Variants in RAI14 observed in about 807,000 individuals in gnomAD.
RAI14 encodes the protein ankycorbin.
Under a neutral mutation model 115.4 loss-of-function variants are expected in RAI14, and 45 were observed. The observed-to-expected ratio is 0.39, with a 90% confidence interval of 0.31 to 0.50. The LOEUF (loss-of-function observed/expected upper bound fraction) is 0.50, where lower values mean the gene tolerates loss of function less well. Among genes scored for constraint, RAI14 ranks in the 20% least tolerant of loss-of-function variants. RAI14 has a pLI of 0.85. For missense variants in RAI14, 939 were observed against 1,131.2 expected (o/e 0.83, Z 2.44); for synonymous variants, 371 against 415.4 (o/e 0.89, Z 1.30).
In RAI14 at chr5:34,794,070, A is replaced by G. The variant is rs771376885; in HGVS notation, c.168-1869A>G. ...TTCCAACAATGTTGAGAAGTGGAGG[A>G]ATTATTGCACTGCCAGTATAGTTTG... On this transcript the variant is annotated intron_variant, in intron 3 of 17. Transcript: ENST00000265109. Among the ~76,000 whole-genome samples the G allele has an allele frequency of 1.8e-4, 28 of 152,320 alleles. No homozygotes were observed. In the Middle Eastern group the frequency reaches 0.017, roughly 93 times the overall value.
chr5:34,800,534 G>C (rs528247648), intron 4 of RAI14, among the ~76,000 whole-genome samples: 1 of 152,244 alleles, frequency 6.6e-6, no homozygotes, highest in South Asian at 2.1e-4. Context: ...GAGAGAATTT[G>C]GTGTTAATAG....
intron 2 of RAI14, among the ~76,000 whole-genome samples, chr5:34,691,584 T>G (rs1446793432): frequency 1.3e-5 from 2 of 152,206 alleles, no homozygotes; most frequent in Non-Finnish European, 2.9e-5. Flanking sequence ...TAGATGCCAA[T>G]TTTTAGTGAC....
At chr5:34,751,438 C>G (rs1229816820) in intron 2 of RAI14, among the ~76,000 whole-genome samples, 1 of 152,198 alleles carries the variant, frequency 6.6e-6, no homozygotes, top group Non-Finnish European at 1.5e-5. Flanking sequence ...CCACCTCACC[C>G]AGGCTATAAT....
At chr5:34,807,424 G>A (rs988515795) in intron 5 of RAI14, among the ~76,000 whole-genome samples, 10 of 152,234 alleles carry the variant, frequency 6.6e-5, no homozygotes, top group East Asian at 5.8e-4. Context: ...GTGAGGGTGC[G>A]TGGACTGCAT....
chr5:34,727,815 A>G (rs570555863), intron 2 of RAI14, among the ~76,000 whole-genome samples: 11 of 152,302 alleles, frequency 7.2e-5, no homozygotes, highest in Middle Eastern at 6.8e-3. Flanking sequence ...AGAAGTTTGC[A>G]TGGGGGTGGG....
intron 17 of RAI14, 193 bp downstream of exon 17, chr5:34,829,990 C>A (rs1757859198): frequency 3.7e-6 from 2 of 538,812 alleles, no homozygotes; most frequent in Non-Finnish European, 6.5e-6. Context: ...TTACCAGGAA[C>A]AGCCCCATCT....
At chr5:34,701,535 T>C (rs1341985527) in intron 2 of RAI14, among the ~76,000 whole-genome samples, 1 of 152,156 alleles carries the variant, frequency 6.6e-6, no homozygotes, top group Non-Finnish European at 1.5e-5. Context: ...ATCCCAAGTC[T>C]TTAGACAAAC....
chr5:34,680,072 G>A (rs778790353), intron 1 of RAI14, among the ~76,000 whole-genome samples: 7 of 152,214 alleles, frequency 4.6e-5, no homozygotes, highest in Non-Finnish European at 8.8e-5. Context: ...AAAGTAAGTA[G>A]GTAGTCTGAG....
At chr5:34,656,889 C>G (rs1742309541) in intron 1 of RAI14, 1 of 152,192 alleles carries the variant, frequency 6.6e-6, no homozygotes, top group Non-Finnish European at 1.5e-5. Flanking sequence ...TGTTTCGCCC[C>G]GCGCGGCGCC....
chr5:34,732,773 T>C (rs1260770723), intron 2 of RAI14, among the ~76,000 whole-genome samples: 4 of 148,632 alleles, frequency 2.7e-5, no homozygotes, highest in Non-Finnish European at 1.5e-5. Context: ...ATATATATTA[T>C]ATTTATGATA....
chr5:34,666,552 T>C (rs2149848120), intron 1 of RAI14, among the ~76,000 whole-genome samples: 1 of 152,322 alleles, frequency 6.6e-6, no homozygotes, highest in South Asian at 2.1e-4. Context: ...GAAAACATGC[T>C]TCTGTGGGAA....
At chr5:34,767,835 G>T (rs1028096742) in intron 3 of RAI14, among the ~76,000 whole-genome samples, 1 of 151,838 alleles carries the variant, frequency 6.6e-6, no homozygotes, top group East Asian at 2.0e-4. Context: ...ACTAAGAAAG[G>T]AATTGTTTCT....
Position 34,821,790 on chromosome 5 carries a change from A to G in RAI14, c.1053A>G (p.Leu351=), listed in dbSNP as rs369476363. ...CTGACCAACAAGATCTTCTCTCTCT[A>G]TTGCAAGCAAAAGTTGCTTCCCTTA... ...SEADQQDLLS[L]LQAKVASLTL... Residue 351 remains leucine (L), a synonymous_variant, in exon 14 of 18, where the codon CTA becomes CTG. Transcript: ENST00000265109. 2 of 1,612,834 alleles carry G rather than the reference A, an allele frequency of 1.2e-6. No homozygotes were observed. The highest frequency in any genetic ancestry group is 1.7e-6 in the Non-Finnish European group (2 of 1,179,266).
At chr5:34,729,363 A>G (rs1471099933) in intron 2 of RAI14, among the ~76,000 whole-genome samples, 1 of 152,150 alleles carries the variant, frequency 6.6e-6, no homozygotes, top group Non-Finnish European at 1.5e-5. Context: ...CACACACACA[A>G]GCTGAAGGGT....
chr5:34,718,104 C>T (rs576380699), intron 2 of RAI14, among the ~76,000 whole-genome samples: 3 of 152,248 alleles, frequency 2.0e-5, no homozygotes, highest in East Asian at 3.9e-4. Context: ...ATCATCATTT[C>T]CTCAGGACGG....
At chr5:34,672,969 G>A (rs1743724523) in intron 1 of RAI14, among the ~76,000 whole-genome samples, 1 of 151,932 alleles carries the variant, frequency 6.6e-6, no homozygotes, top group African/African-American at 2.4e-5. Context: ...TCCCTCCTTT[G>A]TACTCCCTCA....
In RAI14 at chr5:34,822,942, C is replaced by CA; in HGVS notation, c.1114-14_1114-13insA. Reference sequence around the variant, plus strand: ...GACCTTTGATATCATTTAATTCTTGCTTTTTTTTCCTAGGCCAAATCACCC... The same window carrying CA: ...GACCTTTGATATCATTTAATTCTTGCATTTTTTTTCCTAGGCCAAATCACCC... On this transcript the variant is annotated splice_polypyrimidine_tract_variant and intron_variant, in intron 14 of 17. Coordinates refer to ENST00000265109, the MANE Select transcript of RAI14 (RefSeq NM_015577.3). 1.3e-6 allele frequency: 2 copies of CA among 1,592,562 alleles called. No homozygotes were observed. The highest frequency in any genetic ancestry group is 8.6e-7 in the Non-Finnish European group (1 of 1,167,224).
chr5:34,765,579 G>A (rs1749242957), intron 3 of RAI14, among the ~76,000 whole-genome samples: 1 of 152,228 alleles, frequency 6.6e-6, no homozygotes. Flanking sequence ...AAATTTCTAA[G>A]TAGCAAAGCA....
intron 2 of RAI14, among the ~76,000 whole-genome samples, chr5:34,731,428 G>C (rs962853877): frequency 6.6e-6 from 1 of 152,170 alleles, no homozygotes; most frequent in African/African-American, 2.4e-5. Flanking sequence ...ATATACCTCA[G>C]ATGAACTCTT....
Sources: gnomAD v4.1 joint callset for allele counts (sites outside exome capture counted in the v4.1 genomes callset) on GRCh38, gnomAD v4.1.1 for gene constraint, MANE v1.5 for transcripts, NCBI Gene and HGNC (gene_info 2026-07-23, HGNC 2026-07-21) for gene names.